SNRNP48: variants seen among roughly 807,000 people sequenced by gnomAD.
The protein encoded by SNRNP48 is small nuclear ribonucleoprotein U11/U12 subunit 48, also known as U11/U12 small nuclear ribonucleoprotein 48 kDa protein.
SNRNP48 carries 43 observed loss-of-function variants against 47.0 expected under a neutral mutation model. The observed-to-expected ratio is 0.92, with a 90% confidence interval of 0.72 to 1.18. The LOEUF (loss-of-function observed/expected upper bound fraction) is 1.18, where lower values mean the gene tolerates loss of function less well. SNRNP48 is among the 50% of genes most tolerant of loss of function. The pLI, the probability that SNRNP48 is intolerant of heterozygous loss-of-function variation, is 0.00. For missense variants in SNRNP48, 396 were observed against 422.2 expected, an observed-to-expected ratio of 0.94 and a Z score of 0.54; for synonymous variants, 138 against 144.0, an observed-to-expected ratio of 0.96 and a Z score of 0.30.
intron 8 of SNRNP48, among the ~76,000 whole-genome samples, chr6:7,607,325 G>A (rs1372615580): frequency 6.6e-6 from 1 of 152,100 alleles, no homozygotes; most frequent in Non-Finnish European, 1.5e-5. Context: ...CTCAAAAAAA[G>A]TGAGAACTCT....
chr6:7,590,248 G>A lies in SNRNP48; in HGVS notation c.-10G>A, dbSNP rs763187321. The A allele has an allele frequency of 2.8e-5, 37 of 1,308,752 alleles. No individual in the cohort carries two copies. The highest frequency in any genetic ancestry group is 3.3e-5 in the Non-Finnish European group (34 of 1,020,708). 81.1% of individuals were successfully genotyped at this position (1,308,752 alleles called of 1,614,324 possible). On this transcript the variant is annotated 5_prime_UTR_variant, in exon 1 of 9. Transcript: ENST00000342415. Reference sequence around the variant, plus strand: ...TTCGGCCGCTTCCTCTTGGCGGGTGGGCTGCAGCTATGGAGGGCGAGCCTC... The same window carrying A: ...TTCGGCCGCTTCCTCTTGGCGGGTGAGCTGCAGCTATGGAGGGCGAGCCTC...
chr6:7,602,453 A>G (rs1292141423), intron 5 of SNRNP48, among the ~76,000 whole-genome samples, 170 bp from the exon 6 acceptor site: 1 of 152,238 alleles, frequency 6.6e-6, no homozygotes, highest in African/African-American at 2.4e-5. Context: ...TGGAGAGAAG[A>G]AATGATATAA....
intron 7 of SNRNP48, 83 bp downstream of exon 7, chr6:7,605,569 T>G (rs981106854): frequency 7.7e-7 from 1 of 1,304,438 alleles, no homozygotes; most frequent in African/African-American, 1.5e-5. Context: ...ATTTTAGCAT[T>G]TCCAAAACCC....
Position 7,593,898 on chromosome 6 carries a change from C to G in SNRNP48, c.270+51C>G, listed in dbSNP as rs1212642371. Reference sequence around the variant, plus strand: ...ATACATATATGTCATGCATTTTACACATTAATTCACAATTTTTGGAAGTTA... The same window carrying G: ...ATACATATATGTCATGCATTTTACAGATTAATTCACAATTTTTGGAAGTTA... On this transcript the variant is annotated intron_variant, in intron 2 of 8. Coordinates refer to ENST00000342415, the MANE Select transcript of SNRNP48 (RefSeq NM_152551.4). The G allele has an allele frequency of 4.6e-6, 6 of 1,312,862 alleles. No homozygotes were observed. The African/African-American group carries it at 9.2e-5, about 20-fold the overall frequency. The allele number at this position is 1,312,862 out of a possible 1,614,324, so 81.3% of individuals were successfully genotyped here. A position where few individuals can be genotyped will look rare whatever the true frequency, so the allele number is the denominator to read the frequency against.
chr6:7,604,904 A>G (rs1024965230), intron 6 of SNRNP48, among the ~76,000 whole-genome samples: 8 of 152,206 alleles, frequency 5.3e-5, no homozygotes, highest in African/African-American at 1.9e-4. Flanking sequence ...ATAAGCTCTA[A>G]TAGAGAGATA....
intron 5 of SNRNP48, 94 bp from the exon 6 acceptor site, chr6:7,602,529 A>G (rs1581838322): frequency 2.0e-6 from 2 of 994,264 alleles, no homozygotes. Context: ...CTTTGAAACA[A>G]GTTAAAATAT....
intron 4 of SNRNP48, chr6:7,600,332 G>A (rs1267759676): frequency 8.3e-6 from 3 of 362,214 alleles, no homozygotes; most frequent in Non-Finnish European, 1.2e-5. Flanking sequence ...AACTTAATGA[G>A]GTTAGACTTT....
At chr6:7,594,577 G>A (rs907230448) in intron 3 of SNRNP48, among the ~76,000 whole-genome samples, 7 of 152,200 alleles carry the variant, frequency 4.6e-5, no homozygotes, top group African/African-American at 1.4e-4. Context: ...GACTTTCAGC[G>A]AGGTAATTAA....
chr6:7,594,977 T>G (rs1186469289), intron 3 of SNRNP48, 50 bp from the exon 4 acceptor site: 1 of 1,463,814 alleles, frequency 6.8e-7, no homozygotes, highest in African/African-American at 1.4e-5. Flanking sequence ...AATTTAATTG[T>G]GGTCACTGAT....
At chr6:7,595,137 G>A in intron 4 of SNRNP48, 36 bp downstream of exon 4, 1 of 1,480,488 alleles carries the variant, frequency 6.8e-7, no homozygotes, top group African/African-American at 1.5e-5. Context: ...ATTAAAGAAT[G>A]AAATTATTAT....
At chr6:7,603,530 C>T (rs1760070191) in intron 6 of SNRNP48, among the ~76,000 whole-genome samples, 1 of 152,214 alleles carries the variant, frequency 6.6e-6, no homozygotes, top group South Asian at 2.1e-4. Context: ...GTCTCTTAAA[C>T]TATATCTGAT....
At position 7,595,046 on chromosome 6, in the gene SNRNP48, G is replaced by T. The variant is rs890882986; in HGVS notation, c.351G>T (p.Gln117His). 7 of 1,596,134 alleles carry T rather than the reference G, an allele frequency of 4.4e-6. No homozygotes were observed. Among genetic ancestry groups the T allele is most frequent in the Non-Finnish European group, 6.0e-6 (7 of 1,174,114 alleles). The change falls in exon 4 of 9, where the codon CAG (glutamine) becomes CAT (histidine). Residue 117 changes from glutamine (Q) to histidine (H), a missense_variant. Coordinates refer to ENST00000342415, the MANE Select transcript of SNRNP48 (RefSeq NM_152551.4). ...SITLNKDSQF[Q>H]IIKQARTAVG... The stretch of plus-strand genomic sequence containing the variant: ...TGACAGATAAGGACTCACAATTCCA[G>T]ATAATTAAACAAGCTAGAACTGCAG...
intron 4 of SNRNP48, chr6:7,599,866 A>T: frequency 9.5e-7 from 1 of 1,050,736 alleles, no homozygotes; most frequent in Non-Finnish European, 1.2e-6. Flanking sequence ...AGTCTTCATC[A>T]TAAAGAAATT....
In SNRNP48 at chr6:7,601,409, T is replaced by C; in HGVS notation, c.480T>C (p.Asp160=). Residue 160 remains aspartate, a synonymous_variant, in exon 5 of 9, where the codon GAT becomes GAC. Transcript: ENST00000342415. ...KRFVCDLTQA[D]RLALYDFVVE... ...TTGTTTGTGATCTAACTCAAGCTGATCGTCTTGCCCTCTATGATTTCGTAG... is the reference window on the plus strand; with the variant it reads ...TTGTTTGTGATCTAACTCAAGCTGACCGTCTTGCCCTCTATGATTTCGTAG... The C allele has an allele frequency of 6.2e-7, 1 of 1,600,130 alleles. No individual in the cohort carries two copies. Among genetic ancestry groups the C allele is most frequent in the Non-Finnish European group, 8.5e-7 (1 of 1,177,082 alleles).
chr6:7,600,925 T>C (rs1760006488), intron 4 of SNRNP48: 1 of 154,192 alleles, frequency 6.5e-6, no homozygotes, highest in South Asian at 2.0e-4. Context: ...AAAGGGACTG[T>C]AATGCATATT....
rs901688961 is a variant in SNRNP48, at chr6:7,611,783, C to G, written c.*2910C>G. ...ATTTTCTGTTTCTTTTTAGTGAGTT[C>G]ATGAATGTTTAACGGTTCTGGCGCA... is the stretch of plus-strand genomic sequence containing the variant. On this transcript the variant is annotated 3_prime_UTR_variant, in exon 9 of 9. Coordinates refer to ENST00000342415, the MANE Select transcript of SNRNP48 (RefSeq NM_152551.4). The G allele has an allele frequency of 6.6e-6, 1 of 152,278 alleles. No homozygotes were observed. The highest frequency in any genetic ancestry group is 2.1e-4 in the South Asian group (1 of 4,828). The allele number at this position is 152,278 out of a possible 1,614,324, so 9.4% of individuals were successfully genotyped here. A position where few individuals can be genotyped will look rare whatever the true frequency, so the allele number is the denominator to read the frequency against.
Position 7,610,620 on chromosome 6 carries a change from GA to G in SNRNP48, c.*1748del, listed in dbSNP as rs1761917211. The G allele has an allele frequency of 2.0e-5, 3 of 152,190 alleles. No individual in the cohort carries two copies. The allele number at this position is 152,190 out of a possible 1,614,324, so 9.4% of individuals were successfully genotyped here. Reference sequence around the variant, plus strand: ...ATATTTAGGTTTTTTGTAGAAGAAAGATACAAGTGAAAATTAGGAGTGGATT... The same window carrying G: ...ATATTTAGGTTTTTTGTAGAAGAAAGTACAAGTGAAAATTAGGAGTGGATT... On this transcript the variant is annotated 3_prime_UTR_variant, in exon 9 of 9. Transcript: ENST00000342415.
chr6:7,604,731 A>G (rs1177186487), intron 6 of SNRNP48, among the ~76,000 whole-genome samples: 1 of 152,198 alleles, frequency 6.6e-6, no homozygotes, highest in African/African-American at 2.4e-5. Flanking sequence ...GGTAAATAGG[A>G]AAGGAAAAAC....
At chr6:7,602,164 T>A (rs2806220) in intron 5 of SNRNP48, among the ~76,000 whole-genome samples, 43,653 of 152,064 alleles carry the variant, frequency 0.29, 6,986 homozygotes, top group Middle Eastern at 0.41. Flanking sequence ...GTATTAGGTA[T>A]TGAAAGTAAT....
Sources: allele counts gnomAD v4.1 joint callset (sites outside exome capture counted in the v4.1 genomes callset), GRCh38; gene constraint gnomAD v4.1.1; transcripts MANE v1.5; gene names NCBI Gene and HGNC (gene_info 2026-07-23, HGNC 2026-07-21).